Variants in ATF7IP observed in about 807,000 individuals in gnomAD.
The protein encoded by ATF7IP is activating transcription factor 7 interacting protein.
A neutral mutation model predicts 106.4 loss-of-function variants in ATF7IP; 23 were observed. The ratio of observed to expected loss-of-function variants is 0.22; its 90% CI spans 0.16 to 0.31. The LOEUF (loss-of-function observed/expected upper bound fraction) is 0.31. Among genes scored for constraint, ATF7IP ranks in the 10% least tolerant of loss-of-function variants. The pLI, the probability that ATF7IP is intolerant of heterozygous loss-of-function variation, is 1.00. For missense variants in ATF7IP, 1,334 were observed against 1,524.3 expected (o/e 0.88, Z 2.08); for synonymous variants, 542 against 539.0 (o/e 1.01, Z -0.08).
chr12:14,414,893 A>C (rs1565491159), intron 1 of ATF7IP, among the ~76,000 whole-genome samples: 1 of 152,238 alleles, frequency 6.6e-6, no homozygotes, highest in East Asian at 1.9e-4. Flanking sequence ...CCCAAGCAAA[A>C]TGTGAAAAGT....
Position 14,436,418 on chromosome 12 carries a change from G to A in ATF7IP, c.1791+167G>A, listed in dbSNP as rs78018642. Among the ~76,000 whole-genome samples, 727 of 152,372 alleles carry A rather than the reference G, an allele frequency of 4.8e-3. 8 individuals carry two copies. The highest frequency in any genetic ancestry group is 8.1e-3 in the Non-Finnish European group (553 of 68,042). ...TTTTAAAGTCTATTACTGGCCAGATGTGGTGGATCACCCCTGTAATCCCAA... is the reference window on the plus strand; with the variant it reads ...TTTTAAAGTCTATTACTGGCCAGATATGGTGGATCACCCCTGTAATCCCAA... On this transcript the variant is annotated intron_variant, in intron 4 of 14. Transcript: ENST00000261168.
intron 1 of ATF7IP, among the ~76,000 whole-genome samples, chr12:14,381,315 T>C (rs1267375672): frequency 2.0e-5 from 3 of 152,176 alleles, no homozygotes; most frequent in Admixed American, 6.5e-5. Context: ...CACTGCAGCC[T>C]CCACCTCCCA....
intron 6 of ATF7IP, among the ~76,000 whole-genome samples, chr12:14,447,494 C>T (rs1238722898): frequency 6.6e-6 from 1 of 152,024 alleles, no homozygotes; most frequent in African/African-American, 2.4e-5. Flanking sequence ...GTTGGCCAGG[C>T]TGGTCTCGAA....
chr12:14,487,653 T>C, intron 13 of ATF7IP, among the ~76,000 whole-genome samples: 1 of 152,184 alleles, frequency 6.6e-6, no homozygotes. Context: ...TTGTTGTAGG[T>C]TAGCCAATTG....
intron 13 of ATF7IP, among the ~76,000 whole-genome samples, chr12:14,485,596 T>A (rs1284265535): frequency 6.6e-6 from 1 of 152,144 alleles, no homozygotes; most frequent in Non-Finnish European, 1.5e-5. Flanking sequence ...TGAATAAGAT[T>A]ATGACACAAA....
chr12:14,490,627 C>T (rs112653341), intron 13 of ATF7IP, among the ~76,000 whole-genome samples: 2 of 152,238 alleles, frequency 1.3e-5, no homozygotes, highest in African/African-American at 4.8e-5. Flanking sequence ...TGGTGCAGAA[C>T]CATCTGTGAA....
Position 14,497,681 on chromosome 12 carries a change from C to G in ATF7IP, c.3421C>G (p.Pro1141Ala). Reference sequence around the variant, plus strand: ...GCCCCCACGCCCCGTGCACCCAGCACCCTTACCAGAAGCTCCACAACCACA... The same window carrying G: ...GCCCCCACGCCCCGTGCACCCAGCAGCCTTACCAGAAGCTCCACAACCACA... ...TEPPRPVHPA[P>A]LPEAPQPQRL... is the part of the protein sequence containing the mutation. Residue 1141 changes from proline (P) to alanine (A), a missense_variant, in exon 15 of 15, where the codon CCC becomes GCC. Around this residue, in one of 10 missense-constraint regions of ATF7IP, gnomAD observed 370 missense variants for 401.2 expected, o/e 0.92. Coordinates refer to ENST00000261168, the MANE Select transcript of ATF7IP (RefSeq NM_018179.5). 1.2e-6 allele frequency: 2 copies of G among 1,614,088 alleles called. No homozygotes were observed. Among genetic ancestry groups the G allele is most frequent in the Non-Finnish European group, 1.7e-6 (2 of 1,179,970 alleles).
At position 14,496,325 on chromosome 12, in the gene ATF7IP, A is replaced by G; in HGVS notation, c.3375A>G (p.Arg1125=). ...GACCTCAGCTCACAGTGCATCACCGACCACCACAAGTGCATACTGTAAGTG... is the reference window on the plus strand; with the variant it reads ...GACCTCAGCTCACAGTGCATCACCGGCCACCACAAGTGCATACTGTAAGTG... ...STGPQLTVHH[R]PPQVHTEPPR... The change falls in exon 14 of 15, where the codon CGA becomes CGG. Residue 1125 remains arginine, a synonymous_variant. Coordinates refer to ENST00000261168, the MANE Select transcript of ATF7IP (RefSeq NM_018179.5). The G allele has an allele frequency of 6.2e-7, 1 of 1,613,346 alleles. No individual in the cohort carries two copies. The highest frequency in any genetic ancestry group is 8.5e-7 in the Non-Finnish European group (1 of 1,179,402).
chr12:14,484,111 C>T (rs371635022), intron 13 of ATF7IP, among the ~76,000 whole-genome samples: 8 of 152,118 alleles, frequency 5.3e-5, no homozygotes, highest in African/African-American at 1.4e-4. Flanking sequence ...CTGATCACCC[C>T]GAGGAATGGC....
chr12:14,486,616 C>T (rs1944625052), intron 13 of ATF7IP, among the ~76,000 whole-genome samples: 1 of 152,116 alleles, frequency 6.6e-6, no homozygotes, highest in Non-Finnish European at 1.5e-5. Flanking sequence ...AGTAGGCTTC[C>T]TATCAGTTTC....
At chr12:14,422,159 AAAGT>A (rs1470371571) in intron 1 of ATF7IP, among the ~76,000 whole-genome samples, 1 of 152,164 alleles carries the variant, frequency 6.6e-6, no homozygotes, top group Non-Finnish European at 1.5e-5. Context: ...TTTCCAAGAA[AAAGT>A]AAGTGAAAAG....
At chr12:14,470,750 A>G (rs192733055) in intron 10 of ATF7IP, among the ~76,000 whole-genome samples, 5 of 152,304 alleles carry the variant, frequency 3.3e-5, no homozygotes, top group African/African-American at 1.2e-4. Flanking sequence ...TATCATGACT[A>G]TCTTATAAAT....
chr12:14,486,825 T>TG (rs1944635362), intron 13 of ATF7IP, among the ~76,000 whole-genome samples: 3 of 151,874 alleles, frequency 2.0e-5, no homozygotes, highest in Admixed American at 6.6e-5. Context: ...GTTCAGTGAC[T>TG]AAGGTTCCCA....
At chr12:14,411,100 G>A (rs1940889996) in intron 1 of ATF7IP, among the ~76,000 whole-genome samples, 1 of 152,168 alleles carries the variant, frequency 6.6e-6, no homozygotes, top group Non-Finnish European at 1.5e-5. Flanking sequence ...TTGTGTACAA[G>A]TTTTTGTGTG....
chr12:14,494,305 A>ATGTG (rs1374329084), intron 13 of ATF7IP, among the ~76,000 whole-genome samples: 2 of 85,508 alleles, frequency 2.3e-5, no homozygotes, highest in African/African-American at 1.2e-4. Context: ...ATATATATAT[A>ATGTG]TATATATATA....
rs1418891207 is a variant in ATF7IP at position 14,461,144 on chromosome 12, A to G, written c.2797+11A>G. On this transcript the variant is annotated intron_variant, in intron 9 of 14. Transcript: ENST00000261168. The stretch of plus-strand genomic sequence containing the variant: ...CCACCCCAAGAATTGGTAAGTCACC[A>G]TGTAGGTTTAATACTAGAAATGCAA... 5.0e-6 allele frequency: 8 copies of G among 1,605,058 alleles called. No homozygotes were observed. The highest frequency in any genetic ancestry group is 2.2e-5 in the South Asian group (2 of 90,266).
chr12:14,389,045 T>C (rs2136429831), intron 1 of ATF7IP, among the ~76,000 whole-genome samples: 1 of 152,358 alleles, frequency 6.6e-6, no homozygotes, highest in Non-Finnish European at 1.5e-5. Context: ...TGTTTCAGAA[T>C]AGTATCTTGA....
chr12:14,394,177 A>G (rs903716438), intron 1 of ATF7IP, among the ~76,000 whole-genome samples: 1 of 152,208 alleles, frequency 6.6e-6, no homozygotes, highest in Admixed American at 6.5e-5. Flanking sequence ...AATGTTTACT[A>G]TTTAATTGAT....
In ATF7IP at chr12:14,460,929, C is replaced by T. The variant is rs202095197; in HGVS notation, c.2593C>T (p.Pro865Ser). Residue 865 changes from proline to serine, a missense_variant, in exon 9 of 15, where the codon CCA becomes TCA. Transcript: ENST00000261168. Reference protein sequence around the residue: ...IQRNPTASAAPLGTTLAVQAV... With the variant: ...IQRNPTASAASLGTTLAVQAV... The stretch of plus-strand genomic sequence containing the variant: ...AAGGAACCCTACTGCCAGTGCTGCA[C>T]CATTGGGAACAACACTTGCTGTGCA... 64 of 1,614,046 alleles carry T rather than the reference C, an allele frequency of 4.0e-5. No individual in the cohort carries two copies. The highest frequency in any genetic ancestry group is 5.2e-5 in the Non-Finnish European group (61 of 1,180,026).
Sources: gnomAD v4.1 joint callset for allele counts (sites outside exome capture counted in the v4.1 genomes callset) on GRCh38, gnomAD v4.1.1 for gene constraint, gnomAD v4.1.1 regional missense constraint, MANE v1.5 for transcripts, NCBI Gene and HGNC (gene_info 2026-07-23, HGNC 2026-07-21) for gene names.